Variants in GRM7 observed in about 807,000 individuals in gnomAD.
GRM7 encodes glutamate metabotropic receptor 7.
GRM7 carries 35 observed loss-of-function variants against 84.5 expected under a neutral mutation model. The observed-to-expected ratio is 0.41, with a 90% confidence interval of 0.32 to 0.55. The LOEUF is 0.55. Among genes scored for constraint, GRM7 ranks in the 20% least tolerant of loss-of-function variants. GRM7 has a pLI of 0.19. For missense variants in GRM7, 1,003 were observed against 1,194.6 expected (o/e 0.84, Z 2.36); for synonymous variants, 487 against 455.1 (o/e 1.07, Z -0.89).
chr3:7,513,469 C>T (rs1700279107), intron 7 of GRM7, among the ~76,000 whole-genome samples: 1 of 151,804 alleles, frequency 6.6e-6, no homozygotes, highest in Admixed American at 6.6e-5. Flanking sequence ...GCCTCCTCCA[C>T]ATTGAAGAAG....
At chr3:7,695,331 T>C (rs1392885398) in intron 9 of GRM7, among the ~76,000 whole-genome samples, 1 of 152,198 alleles carries the variant, frequency 6.6e-6, no homozygotes, top group Non-Finnish European at 1.5e-5. Context: ...ATTCCTTTTT[T>C]CTGCACTCAG....
chr3:7,224,322 G>A (rs1051012966), intron 2 of GRM7, among the ~76,000 whole-genome samples: 30 of 152,218 alleles, frequency 2.0e-4, no homozygotes, highest in African/African-American at 6.7e-4. Context: ...TAGAACTCAT[G>A]AGAATTTGCT....
chr3:7,462,126 A>G (rs557405629), intron 7 of GRM7, among the ~76,000 whole-genome samples: 34 of 152,170 alleles, frequency 2.2e-4, no homozygotes, highest in Non-Finnish European at 3.5e-4. Flanking sequence ...ATTTGAGTGT[A>G]TTTATGTGAG....
At chr3:7,195,058 G>A (rs1239164153) in intron 2 of GRM7, among the ~76,000 whole-genome samples, 2 of 152,142 alleles carry the variant, frequency 1.3e-5, no homozygotes, top group Non-Finnish European at 2.9e-5. Context: ...AGTGCCTGAT[G>A]TATGCAATCA....
intron 2 of GRM7, among the ~76,000 whole-genome samples, chr3:7,221,037 C>A (rs969766510): frequency 6.6e-6 from 1 of 151,740 alleles, no homozygotes; most frequent in Non-Finnish European, 1.5e-5. Context: ...ACGGAGGTTG[C>A]AATGAGCCGA....
At chr3:6,966,817 G>A (rs575862719) in intron 1 of GRM7, among the ~76,000 whole-genome samples, 1 of 152,184 alleles carries the variant, frequency 6.6e-6, no homozygotes, top group East Asian at 1.9e-4. Flanking sequence ...GTGGTGGTAA[G>A]AGCAGGAGTT....
chr3:7,599,454 G>A (rs1238627024), intron 8 of GRM7, among the ~76,000 whole-genome samples: 1 of 152,218 alleles, frequency 6.6e-6, no homozygotes, highest in Non-Finnish European at 1.5e-5. Context: ...CGAGTGATGA[G>A]AAATCCTAGT....
At chr3:7,126,035 GA>G (rs1333534952) in intron 1 of GRM7, among the ~76,000 whole-genome samples, 1 of 152,158 alleles carries the variant, frequency 6.6e-6, no homozygotes, top group South Asian at 2.1e-4. Context: ...CAGAAGAATA[GA>G]AAATCAGAAT....
intron 1 of GRM7, among the ~76,000 whole-genome samples, chr3:6,878,378 C>CGTGTGT (rs34132725): frequency 0.078 from 11,067 of 141,932 alleles, 509 homozygotes; most frequent in East Asian, 0.14. Flanking sequence ...TATGTGTTTG[C>CGTGTGT]GTGTGTGTGT....
At chr3:7,466,147 A>G (rs963716762) in intron 7 of GRM7, among the ~76,000 whole-genome samples, 3 of 152,196 alleles carry the variant, frequency 2.0e-5, no homozygotes, top group African/African-American at 7.2e-5. Flanking sequence ...AGAAGGGACA[A>G]TGCAACAAAC....
chr3:7,169,946 T>G (rs1694928432), intron 2 of GRM7, among the ~76,000 whole-genome samples: 1 of 152,168 alleles, frequency 6.6e-6, no homozygotes, highest in African/African-American at 2.4e-5. Context: ...TTCTGAAACT[T>G]TAATCTGCAT....
At chr3:6,986,553 C>T (rs573557735) in intron 1 of GRM7, among the ~76,000 whole-genome samples, 1 of 152,336 alleles carries the variant, frequency 6.6e-6, no homozygotes, top group African/African-American at 2.4e-5. Flanking sequence ...ACGTGGTCTT[C>T]TGCCTCACAC....
intron 2 of GRM7, among the ~76,000 whole-genome samples, chr3:7,279,645 A>G (rs948205375): frequency 6.6e-6 from 1 of 152,186 alleles, no homozygotes; most frequent in African/African-American, 2.4e-5. Flanking sequence ...ACAGCCCTAC[A>G]ATAAAAGAGT....
chr3:7,457,279 A>G (rs1031667822), intron 6 of GRM7, among the ~76,000 whole-genome samples: 10 of 152,166 alleles, frequency 6.6e-5, no homozygotes, highest in African/African-American at 2.4e-4. Context: ...CCCTAAAGGC[A>G]TTGATACAGT....
intron 1 of GRM7, chr3:6,884,203 C>G (rs1695611866): frequency 6.6e-6 from 1 of 152,558 alleles, no homozygotes; most frequent in African/African-American, 2.4e-5. Flanking sequence ...GCTACCTGTT[C>G]TGTTTTATTT....
At chr3:7,474,147 G>A (rs1698823468) in intron 7 of GRM7, among the ~76,000 whole-genome samples, 4 of 152,118 alleles carry the variant, frequency 2.6e-5, no homozygotes, top group Admixed American at 2.6e-4. Context: ...ATAACTTTCA[G>A]AACCAAAATA....
intron 4 of GRM7, among the ~76,000 whole-genome samples, chr3:7,376,676 T>C (rs1319288063): frequency 1.3e-5 from 2 of 152,230 alleles, no homozygotes. Context: ...TGCTTATGTA[T>C]TGCTTATGGC....
At chr3:7,078,388 G>A (rs1045315098) in intron 1 of GRM7, among the ~76,000 whole-genome samples, 7 of 152,272 alleles carry the variant, frequency 4.6e-5, no homozygotes, top group Admixed American at 2.6e-4. Context: ...GGAGAAGCAC[G>A]GGGACAGATG....
intron 1 of GRM7, among the ~76,000 whole-genome samples, chr3:7,048,939 C>G (rs1162504864): frequency 6.6e-6 from 1 of 151,904 alleles, no homozygotes; most frequent in African/African-American, 2.4e-5. Context: ...TATGCCATCT[C>G]TTTCCTTTAA....
Sources: allele counts gnomAD v4.1 joint callset (sites outside exome capture counted in the v4.1 genomes callset), GRCh38; gene constraint gnomAD v4.1.1; transcripts MANE v1.5; gene names NCBI Gene and HGNC (gene_info 2026-07-23, HGNC 2026-07-21).